The following NFILZ variants were observed in gnomAD, a reference collection of about 807,000 sequenced individuals.
NFILZ encodes NFIL3 like protein.
At chr19:8,652,222 G>A (rs10407324) in intron 3 of NFILZ, among the ~76,000 whole-genome samples, 5 of 151,798 alleles carry the variant, frequency 3.3e-5, no homozygotes, top group Non-Finnish European at 5.9e-5. Flanking sequence ...CCTGCCTCAG[G>A]CTCCAGAGTA....
At chr19:8,648,852 T>TAAA (rs71179876) in intron 3 of NFILZ, among the ~76,000 whole-genome samples, 22 of 139,216 alleles carry the variant, frequency 1.6e-4, no homozygotes, top group Non-Finnish European at 1.9e-4. Flanking sequence ...AGACTCTGCT[T>TAAA]AAAAAAAAAA....
intron 3 of NFILZ, among the ~76,000 whole-genome samples, chr19:8,641,545 A>G (rs1416282903): frequency 6.6e-6 from 1 of 152,248 alleles, no homozygotes; most frequent in African/African-American, 2.4e-5. Flanking sequence ...TTCTGGGTTC[A>G]TAACCTCTGA....
intron 3 of NFILZ, among the ~76,000 whole-genome samples, chr19:8,640,316 G>GTTTTTTTTT (rs71179871): frequency 0.023 from 2,865 of 123,978 alleles, 119 homozygotes; most frequent in African/African-American, 0.03. Flanking sequence ...TCCTGCTGTA[G>GTTTTTTTTT]TTTTTTTTTT....
rs201606668 is a variant in NFILZ, at chr19:8,636,612, G to GT, written c.-164+877dup. 1.0e-2 allele frequency among the ~76,000 whole-genome samples: 1,449 copies of GT among 145,238 alleles called. 9 individuals carry two copies. Among genetic ancestry groups the GT allele is most frequent in the Non-Finnish European group, 0.016 (1,049 of 65,460 alleles). Reference sequence around the variant, plus strand: ...GGCATGCACCATCATGCCCAGCTATGTTTTTTTTTTTAATTTTTATTTTTA... The same window carrying GT: ...GGCATGCACCATCATGCCCAGCTATGTTTTTTTTTTTTAATTTTTATTTTTA... On this transcript the variant is annotated intron_variant, in intron 3 of 5. Transcript: ENST00000691075.
chr19:8,646,421 C>A (rs2042939518), intron 3 of NFILZ, among the ~76,000 whole-genome samples: 1 of 152,196 alleles, frequency 6.6e-6, no homozygotes, highest in African/African-American at 2.4e-5. Flanking sequence ...CAAGGCCACA[C>A]AGCTGGCGTG....
chr19:8,641,404 C>G (rs144860827), intron 3 of NFILZ, among the ~76,000 whole-genome samples: 1 of 152,186 alleles, frequency 6.6e-6, no homozygotes, highest in East Asian at 1.9e-4. Flanking sequence ...AGGAATTCAC[C>G]CAAATCTAAA....
At chr19:8,651,558 G>T (rs1021466133) in intron 3 of NFILZ, among the ~76,000 whole-genome samples, 1 of 146,128 alleles carries the variant, frequency 6.8e-6, no homozygotes, top group Non-Finnish European at 1.5e-5. Context: ...TAGAGACAGG[G>T]TCTCGCTCTG....
rs1383633592 is a variant in NFILZ at position 8,661,021 on chromosome 19, CTCCCTCCCTCTCCCTCCCT to C, written c.-163-13526_-163-13508del. On this transcript the variant is annotated intron_variant, in intron 3 of 5. Coordinates refer to ENST00000691075, the MANE Select transcript of NFILZ (RefSeq NM_001378600.1). ...CCTTCCTTTCCCTTCCCTTTCTTTCCTCCCTCCCTCTCCCTCCCTTCCGTCCCCCTCCCTCCCTTCCTTC... is the reference window on the plus strand; with the variant it reads ...CCTTCCTTTCCCTTCCCTTTCTTTCCTCCGTCCCCCTCCCTCCCTTCCTTC... Among the ~76,000 whole-genome samples, 627 of 73,556 alleles carry C rather than the reference CTCCCTCCCTCTCCCTCCCT, an allele frequency of 8.5e-3. 15 individuals carry two copies. The highest frequency in any genetic ancestry group is 0.029 in the African/African-American group (596 of 20,736). The allele number at this position is 73,556 out of a possible 152,430, so 48.3% of individuals were successfully genotyped here.
At chr19:8,655,520 C>A (rs534248535) in intron 3 of NFILZ, among the ~76,000 whole-genome samples, 1 of 152,300 alleles carries the variant, frequency 6.6e-6, no homozygotes, top group South Asian at 2.1e-4. Flanking sequence ...AGGCTGGGGG[C>A]CCGGGTGTCA....
chr19:8,673,930 T>C (rs1555750515), intron 3 of NFILZ, among the ~76,000 whole-genome samples: 2 of 152,186 alleles, frequency 1.3e-5, no homozygotes, highest in African/African-American at 4.8e-5. Flanking sequence ...AACCTCCGCC[T>C]CCCGGGTTCA....
At chr19:8,664,089 C>T (rs1031306507) in intron 3 of NFILZ, among the ~76,000 whole-genome samples, 13 of 152,096 alleles carry the variant, frequency 8.5e-5, no homozygotes, top group Non-Finnish European at 4.4e-5. Flanking sequence ...TTCCACTGCA[C>T]GGCATCCATG....
chr19:8,668,405 C>T (rs2043072397), intron 3 of NFILZ, among the ~76,000 whole-genome samples: 1 of 150,284 alleles, frequency 6.7e-6, no homozygotes, highest in South Asian at 2.1e-4. Flanking sequence ...TGAGCTCTAA[C>T]TGGTTCTTTT....
At chr19:8,665,980 A>T (rs1432547234) in intron 3 of NFILZ, among the ~76,000 whole-genome samples, 2 of 152,010 alleles carry the variant, frequency 1.3e-5, no homozygotes, top group African/African-American at 4.8e-5. Context: ...CTCTGGCCAC[A>T]TGGGTGGAGG....
intron 3 of NFILZ, among the ~76,000 whole-genome samples, chr19:8,659,487 G>T (rs748111522): frequency 6.6e-6 from 1 of 152,032 alleles, no homozygotes; most frequent in Admixed American, 6.6e-5. Flanking sequence ...CGGTGACTCC[G>T]AATGGTGGGA....
chr19:8,678,144 C>T lies in NFILZ; in HGVS notation c.*509C>T. ...ATCCATCCCTCCATCCATTCATCCA[C>T]TTGTCCGTCCATCCATCCATCCATC... On this transcript the variant is annotated 3_prime_UTR_variant, in exon 6 of 6. Transcript: ENST00000691075. 1.1e-5 allele frequency among the ~76,000 whole-genome samples: 1 copy of T among 92,336 alleles called. No individual in the cohort carries two copies. Among genetic ancestry groups the T allele is most frequent in the African/African-American group, 4.3e-5 (1 of 23,518 alleles). 60.6% of individuals were successfully genotyped at this position (92,336 alleles called of 152,430 possible). A position where few individuals can be genotyped will look rare whatever the true frequency, so the allele number is the denominator to read the frequency against.
At chr19:8,645,566 C>T (rs868972143) in intron 3 of NFILZ, among the ~76,000 whole-genome samples, 30 of 152,100 alleles carry the variant, frequency 2.0e-4, no homozygotes, top group African/African-American at 6.8e-4. Context: ...TGTAACACAC[C>T]CAGAGCCAAT....
chr19:8,652,890 CCTTT>C (rs1349900807), intron 3 of NFILZ, among the ~76,000 whole-genome samples: 7 of 145,806 alleles, frequency 4.8e-5, no homozygotes, highest in African/African-American at 7.7e-5. Flanking sequence ...CTCCTTCCTT[CCTTT>C]CTTTCCCTCC....
In NFILZ at chr19:8,678,143, ACTTG is replaced by A. The variant is rs2043125337; in HGVS notation, c.*509_*512del. Among the ~76,000 whole-genome samples, 49 of 2,764 alleles carry A rather than the reference ACTTG, an allele frequency of 0.018. No homozygotes were observed. The highest frequency in any genetic ancestry group is 0.023 in the East Asian group (2 of 86). The allele number at this position is 2,764 out of a possible 152,430, so 1.8% of individuals were successfully genotyped here. ...CATCCATCCCTCCATCCATTCATCC[ACTTG>A]TCCGTCCATCCATCCATCCATCCAT... On this transcript the variant is annotated 3_prime_UTR_variant, in exon 6 of 6. Coordinates refer to ENST00000691075, the MANE Select transcript of NFILZ (RefSeq NM_001378600.1).
chr19:8,651,112 T>C (rs140436724), intron 3 of NFILZ, among the ~76,000 whole-genome samples: 1 of 152,208 alleles, frequency 6.6e-6, no homozygotes, highest in Non-Finnish European at 1.5e-5. Flanking sequence ...AAACATTTAT[T>C]TGTGTTAGGA....
Sources: allele counts gnomAD v4.1 joint callset (sites outside exome capture counted in the v4.1 genomes callset), GRCh38; gene constraint gnomAD v4.1.1; transcripts MANE v1.5; gene names NCBI Gene and HGNC (gene_info 2026-07-23, HGNC 2026-07-21).